KSR2: variants seen among roughly 807,000 people sequenced by gnomAD.
KSR2 encodes the protein kinase suppressor of ras 2.
Under a neutral mutation model 107.8 loss-of-function variants are expected in KSR2, and 25 were observed. The observed-to-expected ratio is 0.23, with a 90% CI of 0.17 to 0.32. The LOEUF is 0.32. KSR2 is among the 10% of genes least tolerant of loss of function. KSR2 has a pLI of 1.00. For missense variants in KSR2, 887 were observed against 1,268.9 expected (o/e 0.70, Z 4.57); for synonymous variants, 480 against 507.0 (o/e 0.95, Z 0.71).
At chr12:117,852,952 C>G (rs1022365163) in intron 3 of KSR2, among the ~76,000 whole-genome samples, 1 of 152,196 alleles carries the variant, frequency 6.6e-6, no homozygotes, top group African/African-American at 2.4e-5. Flanking sequence ...CAGGCATGCG[C>G]CACCAAGCCC....
chr12:117,761,127 G>T lies in KSR2; in HGVS notation c.870C>A (p.Thr290=). Residue 290 remains threonine (T), a synonymous_variant, in exon 4 of 20, where the codon ACC becomes ACA. Coordinates refer to ENST00000339824, the MANE Select transcript of KSR2 (RefSeq NM_173598.6). ...TCAGTTTTCGGGAGGAGGGCGGTGG[G>T]GTCCCCGGGGGCTTCAGCTTGTTCT... ...RKKNKLKPPG[T]PPPSSRKLIH... is the part of the protein sequence containing the mutation. 1.2e-6 allele frequency: 2 copies of T among 1,612,682 alleles called. No homozygotes were observed. The highest frequency in any genetic ancestry group is 1.7e-6 in the Non-Finnish European group (2 of 1,179,186).
chr12:117,637,187 T>C (rs1883129709), intron 5 of KSR2, among the ~76,000 whole-genome samples: 1 of 152,236 alleles, frequency 6.6e-6, no homozygotes, highest in Admixed American at 6.5e-5. Flanking sequence ...TAAACAAAGC[T>C]GGTGAGCATA....
chr12:117,668,042 A>G (rs1355956936), intron 4 of KSR2, among the ~76,000 whole-genome samples: 4 of 152,204 alleles, frequency 2.6e-5, no homozygotes, highest in Non-Finnish European at 5.9e-5. Flanking sequence ...CTCTTTGGCC[A>G]TTTGACAAAA....
chr12:117,555,626 A>G (rs545376546), intron 8 of KSR2, among the ~76,000 whole-genome samples: 4 of 152,364 alleles, frequency 2.6e-5, no homozygotes, highest in African/African-American at 9.6e-5. Flanking sequence ...GCCTGTGATG[A>G]GCGGACAAGC....
chr12:117,736,176 G>A (rs1459950163), intron 4 of KSR2, among the ~76,000 whole-genome samples: 2 of 152,114 alleles, frequency 1.3e-5, no homozygotes, highest in Non-Finnish European at 2.9e-5. Flanking sequence ...ATCCCACGGG[G>A]CCCTGTTAAA....
intron 1 of KSR2, among the ~76,000 whole-genome samples, chr12:117,888,617 G>C (rs765167084): frequency 6.6e-6 from 1 of 152,208 alleles, no homozygotes; most frequent in Non-Finnish European, 1.5e-5. Flanking sequence ...TCTCCACCAT[G>C]TGAGGACACA....
At chr12:117,567,852 C>G (rs1878619837) in intron 7 of KSR2, among the ~76,000 whole-genome samples, 1 of 149,816 alleles carries the variant, frequency 6.7e-6, no homozygotes, top group Admixed American at 6.6e-5. Flanking sequence ...TGCAGGTTCA[C>G]TGCATACCAA....
chr12:117,864,432 A>G (rs981837485), intron 1 of KSR2, among the ~76,000 whole-genome samples: 1 of 152,210 alleles, frequency 6.6e-6, no homozygotes, highest in South Asian at 2.1e-4. Flanking sequence ...ATGTATACAT[A>G]CATGCATTGC....
chr12:117,913,051 A>C (rs565172240), intron 1 of KSR2, among the ~76,000 whole-genome samples: 8 of 152,288 alleles, frequency 5.3e-5, no homozygotes, highest in African/African-American at 1.9e-4. Context: ...CGGGGCAGGA[A>C]GCAGGAAGGT....
At chr12:117,896,205 A>C (rs1320095208) in intron 1 of KSR2, among the ~76,000 whole-genome samples, 1 of 152,264 alleles carries the variant, frequency 6.6e-6, no homozygotes. Flanking sequence ...AAAAGGAATG[A>C]AGTACTGATA....
At chr12:117,471,074 T>A in intron 18 of KSR2, 117 bp downstream of exon 18, 1 of 1,275,784 alleles carries the variant, frequency 7.8e-7, no homozygotes. Context: ...GAATGCATAT[T>A]TTTTTGGTCA....
At chr12:117,856,285 C>T (rs571591951) in intron 2 of KSR2, among the ~76,000 whole-genome samples, 15 of 152,224 alleles carry the variant, frequency 9.9e-5, no homozygotes, top group South Asian at 6.2e-4. Flanking sequence ...GAACTTTCAC[C>T]GCCACCCCAT....
At chr12:117,804,485 C>T (rs1352926545) in intron 3 of KSR2, among the ~76,000 whole-genome samples, 1 of 152,140 alleles carries the variant, frequency 6.6e-6, no homozygotes, top group Non-Finnish European at 1.5e-5. Context: ...ATACCATTTG[C>T]CAGCAAGTTT....
intron 4 of KSR2, among the ~76,000 whole-genome samples, chr12:117,726,971 C>G (rs1291521343): frequency 6.6e-6 from 1 of 152,078 alleles, no homozygotes; most frequent in African/African-American, 2.4e-5. Context: ...GAAGTCTTAA[C>G]CCCCAGTAAC....
At chr12:117,886,534 T>C (rs578038249) in intron 1 of KSR2, among the ~76,000 whole-genome samples, 11 of 152,282 alleles carry the variant, frequency 7.2e-5, no homozygotes, top group African/African-American at 2.2e-4. Context: ...CTGGGAGCAA[T>C]AGGCTCTATC....
chr12:117,703,154 A>T (rs1886392321), intron 4 of KSR2, among the ~76,000 whole-genome samples: 1 of 152,198 alleles, frequency 6.6e-6, no homozygotes, highest in African/African-American at 2.4e-5. Flanking sequence ...ATGGCTCTGG[A>T]GTCAGGCCTG....
chr12:117,480,827 G>A (rs1872130457), intron 16 of KSR2, among the ~76,000 whole-genome samples: 1 of 152,126 alleles, frequency 6.6e-6, no homozygotes, highest in African/African-American at 2.4e-5. Context: ...AGATCTGTTT[G>A]CACACAAGTC....
intron 1 of KSR2, among the ~76,000 whole-genome samples, chr12:117,963,699 T>C (rs887326582): frequency 2.6e-5 from 4 of 152,240 alleles, no homozygotes; most frequent in Admixed American, 1.3e-4. Context: ...TGAAACGTTG[T>C]TGGTCTGACT....
intron 14 of KSR2, among the ~76,000 whole-genome samples, chr12:117,518,895 C>A (rs1053927858): frequency 6.6e-6 from 1 of 152,204 alleles, no homozygotes; most frequent in Non-Finnish European, 1.5e-5. Flanking sequence ...CCCCTCTGAG[C>A]CCCTCTTCAA....
Sources: allele counts gnomAD v4.1 joint callset (sites outside exome capture counted in the v4.1 genomes callset), GRCh38; gene constraint gnomAD v4.1.1; transcripts MANE v1.5; gene names NCBI Gene and HGNC (gene_info 2026-07-23, HGNC 2026-07-21).